TRPM1: variants seen among roughly 807,000 people sequenced by gnomAD.
The protein encoded by TRPM1 is TRPM1-203 APA Isoform, Intron 10.
Under a neutral mutation model 149.4 loss-of-function variants are expected in TRPM1, and 113 were observed. The observed-to-expected ratio is 0.76, with a 90% CI of 0.65 to 0.88. The LOEUF is 0.88. Ranked by LOEUF, TRPM1 falls within the 40% of genes least tolerant of loss-of-function variation. The pLI is 0.00. For synonymous variants in TRPM1, 741 were observed against 759.5 expected (o/e 0.98, Z 0.40); for missense variants, 1,976 against 2,038.7 (o/e 0.97, Z 0.59).
chr15:31,098,712 G>A (rs935337883), intron 1 of TRPM1, among the ~76,000 whole-genome samples: 2 of 152,144 alleles, frequency 1.3e-5, no homozygotes, highest in Non-Finnish European at 1.5e-5. Context: ...TGCCATGAGC[G>A]TTACCCCTAC....
At position 31,068,135 on chromosome 15, in the gene TRPM1, G is replaced by C. The variant is rs369188837; in HGVS notation, c.280-43C>G. On this transcript the variant is annotated intron_variant, in intron 4 of 27. Transcript: ENST00000256552. Reference sequence around the variant, plus strand: ...GCACTCAGCCTCTGTTCTTGGTTTTGCTTCTCGTGTCAAAGGGGAGTGAGG... The same window carrying C: ...GCACTCAGCCTCTGTTCTTGGTTTTCCTTCTCGTGTCAAAGGGGAGTGAGG... 7 of 1,569,958 alleles carry C rather than the reference G, an allele frequency of 4.5e-6. No homozygotes were observed. The African/African-American group carries it at 9.5e-5, about 21-fold the overall frequency.
rs556393561 is a variant in TRPM1, at chr15:31,157,977, G to A, written c.54+2929C>T. Among the ~76,000 whole-genome samples, 92 of 152,168 alleles carry A rather than the reference G, an allele frequency of 6.0e-4. 1 individual carries two copies. The Middle Eastern group carries it at 0.01, about 17-fold the overall frequency. On this transcript the variant is annotated intron_variant, in intron 1 of 26. Coordinates refer to the TRPM1 transcript ENST00000542188. ...CCGGGAACCGACACTGAGCTGCTGC[G>A]TCAATGAAGGGCCTAGTGTGCAACG...
chr15:31,157,967 G>T (rs1462523157), intron 1 of TRPM1, among the ~76,000 whole-genome samples: 1 of 152,120 alleles, frequency 6.6e-6, no homozygotes, highest in Non-Finnish European at 1.5e-5. Flanking sequence ...AACCGACACT[G>T]AGCTGCTGCG....
chr15:31,071,474 C>A (rs946102655), intron 3 of TRPM1, among the ~76,000 whole-genome samples: 5 of 152,106 alleles, frequency 3.3e-5, no homozygotes, highest in Non-Finnish European at 5.9e-5. Flanking sequence ...ATGGGGCCAG[C>A]CTTGGGGCTT....
At chr15:31,051,158 G>C (rs2033939461) in intron 11 of TRPM1, among the ~76,000 whole-genome samples, 1 of 152,180 alleles carries the variant, frequency 6.6e-6, no homozygotes, top group Admixed American at 6.5e-5. Flanking sequence ...ATCAAGGGGA[G>C]TGTGTGCTCT....
Position 31,001,859 on chromosome 15 carries a change from AC to A in TRPM1, c.4840del (p.Val1614LeufsTer23). The A allele has an allele frequency of 6.2e-7, 1 of 1,613,436 alleles. No individual in the cohort carries two copies. Among genetic ancestry groups the A allele is most frequent in the Non-Finnish European group, 8.5e-7 (1 of 1,180,002 alleles). ...TTCTGTGGAAGCTTTCTCTTTCTTA[AC>A]CTTTTTTTCTTCTGCTGTCATTCCA... ...VSGMTAEEKK[V>X]KKEKASTETE... On this transcript the variant is annotated frameshift_variant, in exon 28 of 28. Coordinates refer to ENST00000256552, the MANE Select transcript of TRPM1 (RefSeq NM_001252024.2). LOFTEE classifies it high-confidence loss of function.
intron 11 of TRPM1, among the ~76,000 whole-genome samples, chr15:31,051,683 C>A (rs10162727): frequency 2.6e-5 from 4 of 152,220 alleles, no homozygotes. Context: ...TCTTCCTTGA[C>A]GACCTCATTG....
chr15:31,061,503 GA>G lies in TRPM1; in HGVS notation c.1100del (p.Phe367SerfsTer16). ...CMKKKELVTVFRMGSEGQQDI... is the reference protein window; with the variant it reads ...CMKKKELVTVXRMGSEGQQDI... ...CCTGCTGGCCCTCAGAACCCATTCT[GA>G]ACACAGTGACCTGAAAATGTGAAAA... On this transcript the variant is annotated frameshift_variant, in exon 10 of 28. Coordinates refer to ENST00000256552, the MANE Select transcript of TRPM1 (RefSeq NM_001252024.2). LOFTEE classifies it high-confidence loss of function. 1 of 1,614,026 alleles carries G rather than the reference GA, an allele frequency of 6.2e-7. No individual in the cohort carries two copies. The highest frequency in any genetic ancestry group is 2.2e-5 in the East Asian group (1 of 44,876).
intron 2 of TRPM1, among the ~76,000 whole-genome samples, chr15:31,079,718 T>C (rs921049746): frequency 1.3e-5 from 2 of 152,234 alleles, no homozygotes; most frequent in Non-Finnish European, 2.9e-5. Context: ...TATGCACATA[T>C]GCATGCATGC....
At chr15:31,122,170 C>T (rs574276384) in intron 1 of TRPM1, among the ~76,000 whole-genome samples, 10 of 152,164 alleles carry the variant, frequency 6.6e-5, no homozygotes, top group South Asian at 4.1e-4. Context: ...TAAGAATAGA[C>T]GGTTACTTCC....
chr15:31,108,345 C>G (rs1277893735), intron 1 of TRPM1, among the ~76,000 whole-genome samples: 1 of 152,134 alleles, frequency 6.6e-6, no homozygotes, highest in African/African-American at 2.4e-5. Context: ...GTAGTATACT[C>G]TTAGACGTCT....
rs757892316 is a variant in TRPM1 at position 31,068,050 on chromosome 15, G to A, written c.322C>T (p.His108Tyr). Residue 108 changes from histidine (H) to tyrosine (Y), a missense_variant, in exon 5 of 28, where the codon CAT (histidine) becomes TAT (tyrosine). Coordinates refer to ENST00000256552, the MANE Select transcript of TRPM1 (RefSeq NM_001252024.2). ...SYDTKPDSLLHLMVKDWQLEL... is the reference protein window; with the variant it reads ...SYDTKPDSLLYLMVKDWQLEL... ...AGCTGCCAATCTTTCACCATGAGATGGAGCAGTGAGTCTGGCTTGGTGTCA... is the reference window on the plus strand; with the variant it reads ...AGCTGCCAATCTTTCACCATGAGATAGAGCAGTGAGTCTGGCTTGGTGTCA... 1 of 1,614,212 alleles carries A rather than the reference G, an allele frequency of 6.2e-7. No homozygotes were observed. The highest frequency in any genetic ancestry group is 8.5e-7 in the Non-Finnish European group (1 of 1,180,024).
chr15:31,026,541 C>G (rs529170840), intron 26 of TRPM1, among the ~76,000 whole-genome samples: 1 of 152,134 alleles, frequency 6.6e-6, no homozygotes, highest in African/African-American at 2.4e-5. Context: ...TCCTGGAAAA[C>G]TTTTTGCACT....
intron 1 of TRPM1, among the ~76,000 whole-genome samples, chr15:31,122,766 T>C (rs944880314): frequency 3.3e-5 from 5 of 152,168 alleles, no homozygotes; most frequent in African/African-American, 1.2e-4. Flanking sequence ...ACTTGATCTA[T>C]AGATGCAATG....
intron 27 of TRPM1, among the ~76,000 whole-genome samples, chr15:31,007,375 C>T (rs553699894): frequency 6.6e-6 from 1 of 152,266 alleles, no homozygotes; most frequent in East Asian, 1.9e-4. Context: ...TTCACCAAGA[C>T]CACACTGTCT....
rs1216954594 is a variant in TRPM1, at chr15:31,042,179, A to G, written c.1859T>C (p.Ile620Thr). The G allele has an allele frequency of 1.2e-6, 2 of 1,614,002 alleles. No homozygotes were observed. The highest frequency in any genetic ancestry group is 1.1e-5 in the South Asian group (1 of 91,044). ...KKKKKEEEID[I>T]DVDDPAVSRF... The stretch of plus-strand genomic sequence containing the variant: ...ACTCACGGCAGGGTCGTCCACATCA[A>G]TGTCGATCTCTTCCTCCTTTTTCTT... The change falls in exon 17 of 28, where the codon ATT (isoleucine) becomes ACT (threonine). Residue 620 changes from isoleucine to threonine, a missense_variant. Around this residue, in one of 3 missense-constraint regions of TRPM1, gnomAD observed 1,332 missense variants for 1,347.1 expected, o/e 0.99. Coordinates refer to ENST00000256552, the MANE Select transcript of TRPM1 (RefSeq NM_001252024.2).
chr15:31,088,978 C>G (rs1186589223), intron 1 of TRPM1, among the ~76,000 whole-genome samples: 1 of 152,196 alleles, frequency 6.6e-6, no homozygotes, highest in Non-Finnish European at 1.5e-5. Context: ...CCAGCACTTT[C>G]TTGGCTGATG....
rs2034497926 is a variant in TRPM1 at position 31,070,197 on chromosome 15, T to C, written c.113A>G (p.His38Arg). Residue 38 changes from histidine to arginine, a missense_variant, in exon 4 of 28, where the codon CAT becomes CGT. Transcript: ENST00000256552. Reference sequence around the variant, plus strand: ...TGTTGCACTTGGCAGAGGGGGGATATGCTGGTTGGTGAACTGGCCACAGCA... The same window carrying C: ...TGTTGCACTTGGCAGAGGGGGGATACGCTGGTTGGTGAACTGGCCACAGCA... ...RCCCGQFTNQ[H>R]IPPLPSATPS... 1 of 1,613,952 alleles carries C rather than the reference T, an allele frequency of 6.2e-7. No individual in the cohort carries two copies. The highest frequency in any genetic ancestry group is 2.2e-5 in the East Asian group (1 of 44,890).
intron 1 of TRPM1, among the ~76,000 whole-genome samples, chr15:31,127,720 C>T (rs144471805): frequency 1.6e-3 from 247 of 152,136 alleles, no homozygotes; most frequent in Non-Finnish European, 2.3e-3. Flanking sequence ...CTTCAAGAGG[C>T]GCTGGGTGGA....
Sources: allele counts gnomAD v4.1 joint callset (sites outside exome capture counted in the v4.1 genomes callset), GRCh38; gene constraint gnomAD v4.1.1; regional missense constraint gnomAD v4.1.1; transcripts MANE v1.5; gene names NCBI Gene and HGNC (gene_info 2026-07-23, HGNC 2026-07-21).